The following KLF12 variants were observed in gnomAD, a reference collection of about 807,000 sequenced individuals.
KLF12 encodes KLF transcription factor 12, also known as Krueppel-like factor 12.
A neutral mutation model predicts 37.8 loss-of-function variants in KLF12; 9 were observed. The observed-to-expected ratio is 0.24, with a 90% CI of 0.14 to 0.42. The LOEUF (loss-of-function observed/expected upper bound fraction) is 0.42, where lower values mean the gene tolerates loss of function less well. Among genes scored for constraint, KLF12 ranks in the 10% least tolerant of loss-of-function variants. The probability of loss-of-function intolerance (pLI) is 1.00; values close to 1 mark genes in which losing one functional copy is unlikely to be tolerated. For synonymous variants in KLF12, 208 were observed against 202.1 expected, an observed-to-expected ratio of 1.03 and a Z score of -0.25; for missense variants, 411 against 516.0, an observed-to-expected ratio of 0.80 and a Z score of 1.97.
intron 1 of KLF12, among the ~76,000 whole-genome samples, chr13:74,090,562 G>A (rs577736079): frequency 6.6e-6 from 1 of 152,024 alleles, no homozygotes; most frequent in Non-Finnish European, 1.5e-5. Flanking sequence ...TATACTGGTG[G>A]GTCGCTGTGG....
At chr13:74,294,346 G>T in the KLF12 span, among the ~76,000 whole-genome samples, 6 of 152,162 alleles carry the variant, frequency 3.9e-5, no homozygotes, top group East Asian at 9.7e-4. Flanking sequence ...CACATGTTTG[G>T]TTTTCTAATC....
Position 73,715,360 on chromosome 13 carries a change from A to C in KLF12, c.1027+8T>G. The C allele has an allele frequency of 6.2e-7, 1 of 1,611,584 alleles. No individual in the cohort carries two copies. The highest frequency in any genetic ancestry group is 8.5e-7 in the Non-Finnish European group (1 of 1,179,082). On this transcript the variant is annotated splice_region_variant and intron_variant, in intron 7 of 7. Coordinates refer to ENST00000377669, the MANE Select transcript of KLF12 (RefSeq NM_007249.5). The stretch of plus-strand genomic sequence containing the variant: ...GGCTCACAGGTGAGAAGCCCTGCAG[A>C]GCGGTACCTGTATGTGTCCTCCGGT...
At chr13:74,129,742 G>A (rs916382946) in intron 1 of KLF12, among the ~76,000 whole-genome samples, 2 of 151,114 alleles carry the variant, frequency 1.3e-5, no homozygotes, top group Admixed American at 6.6e-5. Context: ...TTCTTTGGGT[G>A]AATATCCTGT....
intron 1 of KLF12, among the ~76,000 whole-genome samples, chr13:74,079,859 T>C (rs1050548536): frequency 6.6e-6 from 1 of 152,148 alleles, no homozygotes; most frequent in African/African-American, 2.4e-5. Context: ...TACCATATGA[T>C]CCAACAATTC....
intron 2 of KLF12, among the ~76,000 whole-genome samples, chr13:73,973,608 A>T (rs1891408652): frequency 7.5e-6 from 1 of 133,232 alleles, no homozygotes; most frequent in African/African-American, 2.8e-5. Context: ...CAACTATAGT[A>T]TGAAAAGGCA....
At chr13:74,140,867 C>A in the KLF12 span, among the ~76,000 whole-genome samples, 1 of 152,112 alleles carries the variant, frequency 6.6e-6, no homozygotes, top group Non-Finnish European at 1.5e-5. Context: ...TCCTGGCTAA[C>A]ATGGTGAAAC....
At chr13:73,966,597 C>G (rs1205807960) in intron 2 of KLF12, among the ~76,000 whole-genome samples, 3 of 152,108 alleles carry the variant, frequency 2.0e-5, no homozygotes, top group Non-Finnish European at 4.4e-5. Context: ...CCTCTTGTAG[C>G]TCCATGTGCA....
chr13:74,018,084 C>T (rs990969765), intron 1 of KLF12, among the ~76,000 whole-genome samples: 7 of 143,418 alleles, frequency 4.9e-5, no homozygotes, highest in Admixed American at 1.4e-4. Context: ...ATAATTACTG[C>T]TTTTTTTTTT....
At chr13:74,189,046 T>C in the KLF12 span, among the ~76,000 whole-genome samples, 1 of 152,154 alleles carries the variant, frequency 6.6e-6, no homozygotes, top group South Asian at 2.1e-4. Context: ...GTGATTTTCC[T>C]GCTTAAATAA....
Position 73,694,907 on chromosome 13 carries a change from T to C in KLF12, c.*583A>G, listed in dbSNP as rs563050068. On this transcript the variant is annotated 3_prime_UTR_variant, in exon 8 of 8. Coordinates refer to ENST00000377669, the MANE Select transcript of KLF12 (RefSeq NM_007249.5). ...GCAGAATGACAAGTTGAGAGTGATA[T>C]CTAGTGGCTGCCATCGCGATTGCAA... 3.3e-5 allele frequency: 5 copies of C among 152,776 alleles called. No individual in the cohort carries two copies. The highest frequency in any genetic ancestry group is 6.5e-5 in the Admixed American group (1 of 15,298). The allele number at this position is 152,776 out of a possible 1,614,324, so 9.5% of individuals were successfully genotyped here.
intron 1 of KLF12, among the ~76,000 whole-genome samples, chr13:74,110,134 T>C (rs1354803496): frequency 2.0e-5 from 3 of 152,230 alleles, no homozygotes; most frequent in Non-Finnish European, 4.4e-5. Context: ...CTTAAGTCTT[T>C]GAAAGCACTA....
intron 4 of KLF12, among the ~76,000 whole-genome samples, chr13:73,820,042 G>C (rs937779688): frequency 6.6e-6 from 1 of 152,116 alleles, no homozygotes; most frequent in Non-Finnish European, 1.5e-5. Context: ...GGTGACATAG[G>C]CTTTTGAATT....
intron 1 of KLF12, among the ~76,000 whole-genome samples, chr13:74,127,773 TATA>T (rs1189093572): frequency 4.6e-5 from 7 of 152,366 alleles, no homozygotes; most frequent in Admixed American, 1.3e-4. Flanking sequence ...GTGCATTTTG[TATA>T]ATGTTAGTTA....
intron 6 of KLF12, among the ~76,000 whole-genome samples, chr13:73,763,528 T>C (rs1879703350): frequency 6.6e-6 from 1 of 152,228 alleles, no homozygotes; most frequent in Non-Finnish European, 1.5e-5. Flanking sequence ...TTACACTTAC[T>C]AAACAAATAA....
intron 6 of KLF12, among the ~76,000 whole-genome samples, chr13:73,762,429 G>T (rs1483072125): frequency 6.6e-6 from 1 of 152,172 alleles, no homozygotes; most frequent in African/African-American, 2.4e-5. Flanking sequence ...CTCAACAACA[G>T]CCATAGGCTT....
the KLF12 span, among the ~76,000 whole-genome samples, chr13:74,184,674 G>T: frequency 6.6e-6 from 1 of 152,172 alleles, no homozygotes; most frequent in Non-Finnish European, 1.5e-5. Flanking sequence ...TGCAAGCTCA[G>T]TGCAATCTAC....
At chr13:74,161,550 C>A in the KLF12 span, among the ~76,000 whole-genome samples, 1 of 152,062 alleles carries the variant, frequency 6.6e-6, no homozygotes, top group African/African-American at 2.4e-5. Context: ...ACAGATTCTC[C>A]CTCAGAACCT....
chr13:73,804,078 C>G (rs922457367), intron 5 of KLF12, among the ~76,000 whole-genome samples: 1 of 152,144 alleles, frequency 6.6e-6, no homozygotes, highest in Non-Finnish European at 1.5e-5. Context: ...CCTACCTCTC[C>G]AAGCAGCTGC....
At chr13:74,269,251 G>A in the KLF12 span, among the ~76,000 whole-genome samples, 6 of 152,280 alleles carry the variant, frequency 3.9e-5, no homozygotes, top group East Asian at 1.2e-3. Context: ...TAAACAAGAA[G>A]TGTAGTCACT....
Sources: allele counts gnomAD v4.1 joint callset (sites outside exome capture counted in the v4.1 genomes callset), GRCh38; gene constraint gnomAD v4.1.1; transcripts MANE v1.5; gene names NCBI Gene and HGNC (gene_info 2026-07-23, HGNC 2026-07-21).